PCDHA3: variants seen among roughly 807,000 people sequenced by gnomAD.
PCDHA3 encodes the protein protocadherin alpha-3.
In PCDHA3, 41 loss-of-function variants were observed where a neutral mutation model predicts 62.2. The observed-to-expected ratio is 0.66, with a 90% confidence interval of 0.51 to 0.86. The LOEUF (loss-of-function observed/expected upper bound fraction) is 0.86. Among genes scored for constraint, PCDHA3 ranks in the 40% least tolerant of loss-of-function variants. The pLI is 0.00. For synonymous variants in PCDHA3, 640 were observed against 555.4 expected (o/e 1.15, Z -2.14); for missense variants, 1,304 against 1,241.2 (o/e 1.05, Z -0.76).
chr5:140,991,191 A>G (rs1316296536), intron 3 of PCDHA3, among the ~76,000 whole-genome samples: 2 of 152,218 alleles, frequency 1.3e-5, no homozygotes, highest in South Asian at 2.1e-4. Flanking sequence ...CTAGCACACA[A>G]TGATGCTCAA....
chr5:140,905,047 C>A (rs2071568223), intron 1 of PCDHA3, among the ~76,000 whole-genome samples: 1 of 152,076 alleles, frequency 6.6e-6, no homozygotes, highest in Non-Finnish European at 1.5e-5. Context: ...TTAATTAGGT[C>A]CCATTTATTT....
At chr5:140,855,829 C>T in intron 1 of PCDHA3, 1 of 560,296 alleles carries the variant, frequency 1.8e-6, no homozygotes. Flanking sequence ...CTCATGGAAT[C>T]GTACTTACAC....
At chr5:140,867,536 A>T (rs1177306827) in intron 1 of PCDHA3, 3 of 152,126 alleles carry the variant, frequency 2.0e-5, no homozygotes, top group African/African-American at 7.2e-5. Flanking sequence ...ATATATATAA[A>T]ATATTAGCAT....
At chr5:140,809,028 G>A in intron 1 of PCDHA3, 3 of 1,613,838 alleles carry the variant, frequency 1.9e-6, no homozygotes, top group South Asian at 2.2e-5. Context: ...CTGCAGCCGG[G>A]GACTGGTGGC....
At chr5:140,856,264 C>A (rs1309055685) in intron 1 of PCDHA3, 7 of 1,598,114 alleles carry the variant, frequency 4.4e-6, no homozygotes, top group South Asian at 3.3e-5. Flanking sequence ...GACACGGGGA[C>A]CTTCTGGAGG....
intron 1 of PCDHA3, chr5:140,828,357 G>C: frequency 1.2e-6 from 2 of 1,614,242 alleles, no homozygotes; most frequent in Non-Finnish European, 1.7e-6. Context: ...GTGAATTCTC[G>C]GATCGACCGC....
At chr5:140,903,269 G>A (rs1251669520) in intron 1 of PCDHA3, among the ~76,000 whole-genome samples, 4 of 152,140 alleles carry the variant, frequency 2.6e-5, no homozygotes, top group African/African-American at 4.8e-5. Context: ...CAGGAGTGAG[G>A]TAGTGTCTCA....
intron 1 of PCDHA3, chr5:140,843,565 G>A (rs2150362787): frequency 6.3e-7 from 1 of 1,595,918 alleles, no homozygotes; most frequent in Admixed American, 1.7e-5. Context: ...TGGGGAGCTG[G>A]TCATACTCGC....
rs2098415868 is a variant in PCDHA3 at position 141,010,044 on chromosome 5, G to A, written c.*107G>A. On this transcript the variant is annotated 3_prime_UTR_variant, in exon 4 of 4. Coordinates refer to ENST00000522353, the MANE Select transcript of PCDHA3 (RefSeq NM_018906.3). ...TTTCCTATCTACATGAGCCCTCTTA[G>A]AGACCTCAGAAATCTGCAGAAAGTT... 6.3e-7 allele frequency: 1 copy of A among 1,594,604 alleles called. No individual in the cohort carries two copies. The highest frequency in any genetic ancestry group is 8.5e-7 in the Non-Finnish European group (1 of 1,171,226).
chr5:140,812,551 G>A (rs1765132254), intron 1 of PCDHA3: 1 of 151,806 alleles, frequency 6.6e-6, no homozygotes, highest in Non-Finnish European at 1.5e-5. Context: ...AGTTCCTTGA[G>A]TTGTTAAGTT....
At chr5:140,979,704 T>C (rs1430662594) in intron 2 of PCDHA3, among the ~76,000 whole-genome samples, 1 of 152,246 alleles carries the variant, frequency 6.6e-6, no homozygotes, top group Non-Finnish European at 1.5e-5. Context: ...TTTCTGGAGG[T>C]GATCCAGTAT....
At position 140,836,722 on chromosome 5, in the gene PCDHA3, C is replaced by T. The variant is rs1218762370; in HGVS notation, c.2394+33131C>T. ...TTCAGTCCCAGCCTTCCTCAGGGTC[C>T]ATCCTCTACAGACAATGTGAGTCAT... On this transcript the variant is annotated intron_variant, in intron 1 of 3. Coordinates refer to ENST00000522353, the MANE Select transcript of PCDHA3 (RefSeq NM_018906.3). 3.1e-6 allele frequency: 5 copies of T among 1,611,958 alleles called. No individual in the cohort carries two copies. Among genetic ancestry groups the T allele is most frequent in the Non-Finnish European group, 4.2e-6 (5 of 1,178,776 alleles).
At chr5:140,848,969 C>T in intron 1 of PCDHA3, 2 of 1,604,404 alleles carry the variant, frequency 1.2e-6, no homozygotes, top group Non-Finnish European at 8.5e-7. Context: ...AGGGCGCGTC[C>T]GATGCAGATA....
At chr5:140,883,759 G>A (rs1554179777) in intron 1 of PCDHA3, 1 of 1,612,704 alleles carries the variant, frequency 6.2e-7, no homozygotes, top group African/African-American at 1.3e-5. Context: ...TGGTGGAGCG[G>A]CGGGTGGGCG....
chr5:140,941,185 CT>C (rs782102770), intron 1 of PCDHA3, among the ~76,000 whole-genome samples: 20 of 102,174 alleles, frequency 2.0e-4, no homozygotes, highest in Admixed American at 7.9e-4. Context: ...CATCCTGCTT[CT>C]TTTTTTTTCT....
chr5:140,865,900 C>T (rs1012769998), intron 1 of PCDHA3: 18 of 152,230 alleles, frequency 1.2e-4, no homozygotes, highest in African/African-American at 3.8e-4. Context: ...TGTGTACAGG[C>T]AAATCTTTCT....
intron 1 of PCDHA3, chr5:140,804,000 A>G (rs2240692): frequency 0.56 from 135,236 of 240,546 alleles, 39,018 homozygotes; most frequent in African/African-American, 0.7. Flanking sequence ...TGTTAGTACA[A>G]ATGTTACTTG....
intron 1 of PCDHA3, chr5:140,871,166 C>G: frequency 1.2e-6 from 2 of 1,613,486 alleles, no homozygotes; most frequent in Non-Finnish European, 1.7e-6. Flanking sequence ...GCCGCGAGCC[C>G]AGAGGCTGCG....
chr5:140,917,669 C>G (rs555314392), intron 1 of PCDHA3, among the ~76,000 whole-genome samples: 2 of 152,140 alleles, frequency 1.3e-5, no homozygotes, highest in Non-Finnish European at 2.9e-5. Context: ...AGTCCTTTCT[C>G]CATTGCTTGT....
Sources: allele counts gnomAD v4.1 joint callset (sites outside exome capture counted in the v4.1 genomes callset), GRCh38; gene constraint gnomAD v4.1.1; transcripts MANE v1.5; gene names NCBI Gene and HGNC (gene_info 2026-07-23, HGNC 2026-07-21).